The following PDE4D variants were observed in gnomAD, a reference collection of about 807,000 sequenced individuals.
PDE4D encodes phosphodiesterase 4D.
A neutral mutation model predicts 87.4 loss-of-function variants in PDE4D; 24 were observed. The ratio of observed to expected loss-of-function variants is 0.27; its 90% confidence interval spans 0.20 to 0.39. The LOEUF is 0.39. Ranked by LOEUF, PDE4D falls within the 10% of genes least tolerant of loss-of-function variation. The pLI is 1.00. For missense variants in PDE4D, 714 were observed against 1,041.0 expected (o/e 0.69, Z 4.32); for synonymous variants, 384 against 383.2 (o/e 1.00, Z -0.02).
chr5:59,117,936 T>G (rs1016873604), intron 5 of PDE4D, among the ~76,000 whole-genome samples: 1 of 152,136 alleles, frequency 6.6e-6, no homozygotes, highest in Non-Finnish European at 1.5e-5. Context: ...GTCAACTCTC[T>G]ACTATAGCTT....
intron 1 of PDE4D, among the ~76,000 whole-genome samples, chr5:60,246,252 A>T (rs1442561345): frequency 6.6e-6 from 1 of 151,476 alleles, no homozygotes; most frequent in African/African-American, 2.4e-5. Flanking sequence ...AATTTTCATT[A>T]TTTTTTTGCT....
At chr5:59,364,329 A>G (rs1284758877) in intron 1 of PDE4D, among the ~76,000 whole-genome samples, 1 of 152,220 alleles carries the variant, frequency 6.6e-6, no homozygotes, top group Non-Finnish European at 1.5e-5. Context: ...TGGGGCCTTG[A>G]TGAAAACTTT....
chr5:59,616,310 C>T (rs904579267), intron 1 of PDE4D, among the ~76,000 whole-genome samples: 3 of 152,152 alleles, frequency 2.0e-5, no homozygotes, highest in East Asian at 1.9e-4. Flanking sequence ...CAGCCATTTA[C>T]ACTAGGTTGA....
chr5:59,902,235 C>T (rs6863476), intron 3 of PDE4D, among the ~76,000 whole-genome samples: 1 of 152,066 alleles, frequency 6.6e-6, no homozygotes, highest in African/African-American at 2.4e-5. Context: ...AACAAAACAA[C>T]CCCTAGGAAG....
chr5:59,194,848 T>A (rs1561675126), intron 2 of PDE4D, among the ~76,000 whole-genome samples: 1 of 152,160 alleles, frequency 6.6e-6, no homozygotes, highest in Admixed American at 6.5e-5. Flanking sequence ...TTGAAAAAGG[T>A]ATTTTCCCAT....
intron 1 of PDE4D, among the ~76,000 whole-genome samples, chr5:60,292,344 A>T (rs902089480): frequency 1.3e-5 from 2 of 152,226 alleles, no homozygotes; most frequent in African/African-American, 4.8e-5. Context: ...CACACTATTC[A>T]TTTAAACAAA....
At chr5:59,050,784 CACATTGTAT>C in intron 5 of PDE4D, among the ~76,000 whole-genome samples, 1 of 152,070 alleles carries the variant, frequency 6.6e-6, no homozygotes, top group East Asian at 1.9e-4. Flanking sequence ...AAGACCTGAG[CACATTGTAT>C]ACATTGAGAA....
chr5:59,402,037 G>A (rs1790735039), intron 1 of PDE4D, among the ~76,000 whole-genome samples: 1 of 152,188 alleles, frequency 6.6e-6, no homozygotes, highest in Admixed American at 6.5e-5. Flanking sequence ...TTCAAAATCT[G>A]CAAGGAATGG....
intron 1 of PDE4D, among the ~76,000 whole-genome samples, chr5:60,245,967 G>A (rs1267593653): frequency 6.6e-6 from 1 of 151,760 alleles, no homozygotes; most frequent in Non-Finnish European, 1.5e-5. Context: ...AAATGCTTGA[G>A]GTGACAGACA....
intron 1 of PDE4D, among the ~76,000 whole-genome samples, chr5:59,719,284 T>C (rs1755485909): frequency 1.3e-5 from 2 of 152,172 alleles, no homozygotes; most frequent in Non-Finnish European, 2.9e-5. Flanking sequence ...TATTTCAAGC[T>C]ACCAATGTGA....
rs1438659912 is a variant in PDE4D, at chr5:58,972,703, A to G, written c.*1961T>C. 1.3e-5 allele frequency: 2 copies of G among 152,170 alleles called. No individual in the cohort carries two copies. Among genetic ancestry groups the G allele is most frequent in the Non-Finnish European group, 2.9e-5 (2 of 68,036 alleles). The allele number at this position is 152,170 out of a possible 1,614,324, so 9.4% of individuals were successfully genotyped here. On this transcript the variant is annotated 3_prime_UTR_variant, in exon 15 of 15. Coordinates refer to ENST00000340635, the MANE Select transcript of PDE4D (RefSeq NM_001104631.2). ...CTTTAAAGTCTTCATAGAGAAGGTA[A>G]AGAAGACTTTATTAAGGCTGACGTG...
intron 1 of PDE4D, among the ~76,000 whole-genome samples, chr5:59,579,088 C>T (rs1823645091): frequency 6.6e-6 from 1 of 152,176 alleles, no homozygotes; most frequent in African/African-American, 2.4e-5. Flanking sequence ...TTATCAGTAA[C>T]TACTAATTCC....
intron 1 of PDE4D, among the ~76,000 whole-genome samples, chr5:59,664,492 C>A (rs1393663087): frequency 6.6e-6 from 1 of 152,122 alleles, no homozygotes; most frequent in Non-Finnish European, 1.5e-5. Context: ...GATTCATGAA[C>A]TGCTTGCCTT....
At chr5:60,302,446 A>G (rs1753985407) in intron 1 of PDE4D, among the ~76,000 whole-genome samples, 2 of 152,082 alleles carry the variant, frequency 1.3e-5, no homozygotes, top group African/African-American at 4.8e-5. Flanking sequence ...TTTTTCCAAT[A>G]TATATACATA....
intron 3 of PDE4D, among the ~76,000 whole-genome samples, chr5:59,981,060 T>C (rs1761876578): frequency 6.6e-6 from 1 of 152,126 alleles, no homozygotes; most frequent in African/African-American, 2.4e-5. Flanking sequence ...GAGAACAGCC[T>C]GGCCAACATG....
At chr5:59,591,845 T>C (rs1825966407) in intron 1 of PDE4D, among the ~76,000 whole-genome samples, 1 of 152,168 alleles carries the variant, frequency 6.6e-6, no homozygotes, top group South Asian at 2.1e-4. Context: ...AAATACATTA[T>C]ACACAAGGAT....
chr5:59,892,670 C>G (rs567668174), intron 1 of PDE4D, among the ~76,000 whole-genome samples: 2 of 152,018 alleles, frequency 1.3e-5, no homozygotes, highest in Non-Finnish European at 2.9e-5. Context: ...CTTTCTCACT[C>G]CCCCCTCCTC....
At position 59,574,008 on chromosome 5, in the gene PDE4D, AT is replaced by A. The variant is rs1561239081; in HGVS notation, c.455+319159del. On this transcript the variant is annotated intron_variant, in intron 1 of 14. Transcript: ENST00000340635. The stretch of plus-strand genomic sequence containing the variant: ...GGGAGACTCTGTCTCAAAAAAAAAT[AT>A]ATATATATATATATATATAAAAATA... Among the ~76,000 whole-genome samples, 192 of 97,438 alleles carry A rather than the reference AT, an allele frequency of 2.0e-3. 11 individuals carry two copies. The highest frequency in any genetic ancestry group is 2.7e-3 in the Non-Finnish European group (127 of 47,688). The allele number at this position is 97,438 out of a possible 152,430, so 63.9% of individuals were successfully genotyped here.
At chr5:60,038,596 C>T (rs1037112756) in intron 2 of PDE4D, among the ~76,000 whole-genome samples, 3 of 152,042 alleles carry the variant, frequency 2.0e-5, no homozygotes, top group Non-Finnish European at 2.9e-5. Flanking sequence ...TATGCAGGCT[C>T]TTTTTTAGTT....
Sources: gnomAD v4.1 joint callset for allele counts (sites outside exome capture counted in the v4.1 genomes callset) on GRCh38, gnomAD v4.1.1 for gene constraint, MANE v1.5 for transcripts, NCBI Gene and HGNC (gene_info 2026-07-23, HGNC 2026-07-21) for gene names.